The following SCOC variants were observed in gnomAD, a reference collection of about 807,000 sequenced individuals.
SCOC encodes short coiled coil protein.
SCOC carries 7 observed loss-of-function variants against 9.9 expected under a neutral mutation model. The observed-to-expected ratio is 0.71, with a 90% CI of 0.40 to 1.33. The LOEUF (loss-of-function observed/expected upper bound fraction) is 1.33, where lower values mean the gene tolerates loss of function less well. Ranked by LOEUF, SCOC falls within the 40% of genes most tolerant of loss-of-function variation. SCOC has a pLI of 0.01. For synonymous variants in SCOC, 19 were observed against 28.2 expected (o/e 0.67, Z 1.03); for missense variants, 66 against 89.7 (o/e 0.74, Z 1.07).
intron 1 of SCOC, among the ~76,000 whole-genome samples, chr4:140,378,705 T>C (rs1728446746): frequency 6.6e-6 from 1 of 152,190 alleles, no homozygotes; most frequent in South Asian, 2.1e-4. Context: ...TAACTTTCTT[T>C]GCATTATTGT....
chr4:140,317,285 C>T (rs1035247166), intron 1 of SCOC, among the ~76,000 whole-genome samples: 1 of 152,186 alleles, frequency 6.6e-6, no homozygotes, highest in Non-Finnish European at 1.5e-5. Context: ...GAAGTAAAAA[C>T]TAAAAGGCAG....
At chr4:140,364,458 A>T (rs545890495) in intron 2 of SCOC, among the ~76,000 whole-genome samples, 1 of 152,176 alleles carries the variant, frequency 6.6e-6, no homozygotes, top group Non-Finnish European at 1.5e-5. Flanking sequence ...ATGCAGATCA[A>T]AGTGCCCTAT....
chr4:140,338,947 T>G (rs889199918), upstream of SCOC, among the ~76,000 whole-genome samples: 3 of 152,178 alleles, frequency 2.0e-5, no homozygotes, highest in African/African-American at 4.8e-5. Flanking sequence ...TGGAAAAAAC[T>G]ACTTTAAAGT....
At chr4:140,308,046 T>A (rs924955258) in intron 1 of SCOC, among the ~76,000 whole-genome samples, 9 of 152,184 alleles carry the variant, frequency 5.9e-5, no homozygotes, top group Admixed American at 1.3e-4. Context: ...TTGCTGGTGG[T>A]AGAGGCTGTG....
At chr4:140,349,170 A>C (rs1560713341) in intron 2 of SCOC, among the ~76,000 whole-genome samples, 1 of 152,216 alleles carries the variant, frequency 6.6e-6, no homozygotes, top group Non-Finnish European at 1.5e-5. Context: ...CAGAATGACA[A>C]CCAACACTGA....
chr4:140,301,876 G>A (rs1037561473), intron 1 of SCOC, among the ~76,000 whole-genome samples: 22 of 152,232 alleles, frequency 1.4e-4, no homozygotes, highest in Middle Eastern at 3.4e-3. Context: ...CTGTTGCCCC[G>A]GCTGGAGTAC....
At chr4:140,327,793 G>C (rs564655444) in intron 1 of SCOC, among the ~76,000 whole-genome samples, 1 of 152,250 alleles carries the variant, frequency 6.6e-6, no homozygotes, top group East Asian at 1.9e-4. Context: ...TTTTTACAAG[G>C]ATGCAGCCAG....
chr4:140,329,617 A>G (rs1382850600), intron 1 of SCOC, among the ~76,000 whole-genome samples: 2 of 152,144 alleles, frequency 1.3e-5, no homozygotes, highest in Non-Finnish European at 2.9e-5. Context: ...AAAACAAACA[A>G]TCCCATCAAA....
At chr4:140,263,396 G>A (rs998974055) in intron 1 of SCOC, among the ~76,000 whole-genome samples, 2 of 152,204 alleles carry the variant, frequency 1.3e-5, no homozygotes, top group Non-Finnish European at 2.9e-5. Context: ...GTGAGCATGA[G>A]GCCGGGGACT....
intron 1 of SCOC, among the ~76,000 whole-genome samples, chr4:140,295,947 AG>A (rs1731621214): frequency 9.9e-5 from 14 of 140,718 alleles, no homozygotes; most frequent in African/African-American, 2.8e-4. Context: ...AAAAAAAAAA[AG>A]AAAGAAAGAA....
upstream of SCOC, among the ~76,000 whole-genome samples, chr4:140,368,987 C>T (rs1380227420): frequency 6.6e-6 from 1 of 151,780 alleles, no homozygotes; most frequent in African/African-American, 2.4e-5. Context: ...CTAATTATTT[C>T]CATTTTTATG....
chr4:140,285,375 C>T (rs1731236480), intron 1 of SCOC: 2 of 437,662 alleles, frequency 4.6e-6, no homozygotes, highest in Non-Finnish European at 9.2e-6. Context: ...GATGACTGAA[C>T]TAAAATAAAT....
At chr4:140,306,432 A>G (rs1482893921) in intron 1 of SCOC, among the ~76,000 whole-genome samples, 1 of 152,162 alleles carries the variant, frequency 6.6e-6, no homozygotes, top group Non-Finnish European at 1.5e-5. Flanking sequence ...ATAGACAAGA[A>G]AACAGCCCAA....
chr4:140,385,254 T>C lies in SCOC; in HGVS notation c.*4150T>C, dbSNP rs1728663471. ...GCCAGATGTCTTAGAATTTGGAGTT[T>C]TCCAGATTTTATAAAATATTATGAC... On this transcript the variant is annotated 3_prime_UTR_variant, in exon 4 of 4. Coordinates refer to ENST00000608372, the MANE Select transcript of SCOC (RefSeq NM_001153484.2). 6.6e-6 allele frequency: 1 copy of C among 152,198 alleles called. No individual in the cohort carries two copies. The highest frequency in any genetic ancestry group is 1.5e-5 in the Non-Finnish European group (1 of 68,040). The allele number at this position is 152,198 out of a possible 1,614,324, so 9.4% of individuals were successfully genotyped here.
intron 1 of SCOC, among the ~76,000 whole-genome samples, chr4:140,295,639 C>A (rs1731602939): frequency 6.6e-6 from 1 of 152,216 alleles, no homozygotes. Context: ...ACAAGACCAC[C>A]TGCATGAAAA....
chr4:140,295,711 G>A (rs1169039827), intron 1 of SCOC, among the ~76,000 whole-genome samples: 2 of 152,124 alleles, frequency 1.3e-5, no homozygotes, highest in African/African-American at 2.4e-5. Flanking sequence ...GGAGGCCGAG[G>A]TGGGCGGATC....
At chr4:140,272,911 T>C (rs1267644437) in intron 1 of SCOC, among the ~76,000 whole-genome samples, 1 of 152,228 alleles carries the variant, frequency 6.6e-6, no homozygotes, top group Non-Finnish European at 1.5e-5. Flanking sequence ...AGAAATGTTC[T>C]GATTATGGAA....
intron 1 of SCOC, among the ~76,000 whole-genome samples, chr4:140,297,982 G>T (rs985776072): frequency 6.6e-6 from 1 of 152,136 alleles, no homozygotes; most frequent in Admixed American, 6.5e-5. Flanking sequence ...CCATTCCTCT[G>T]GGGTTGTAGA....
chr4:140,299,017 T>C (rs561762431), intron 1 of SCOC, among the ~76,000 whole-genome samples: 2 of 152,254 alleles, frequency 1.3e-5, no homozygotes, highest in African/African-American at 4.8e-5. Flanking sequence ...AGGGTCTCAC[T>C]ATGTTGCCCA....
Sources: gnomAD v4.1 joint callset for allele counts (sites outside exome capture counted in the v4.1 genomes callset) on GRCh38, gnomAD v4.1.1 for gene constraint, MANE v1.5 for transcripts, NCBI Gene and HGNC (gene_info 2026-07-23, HGNC 2026-07-21) for gene names.